UGGT2: variants seen among roughly 807,000 people sequenced by gnomAD.
UGGT2 encodes the protein UDP-glucose:glycoprotein glucosyltransferase 2.
A neutral mutation model predicts 192.1 loss-of-function variants in UGGT2; 180 were observed. The observed-to-expected ratio is 0.94, with a 90% confidence interval of 0.83 to 1.06. The LOEUF (loss-of-function observed/expected upper bound fraction) is 1.06. Ranked by LOEUF, UGGT2 falls within the 50% of genes least tolerant of loss-of-function variation. UGGT2 has a pLI of 0.00. For missense variants in UGGT2, 1,849 were observed against 1,795.7 expected (o/e 1.03, Z -0.54); for synonymous variants, 580 against 591.0 (o/e 0.98, Z 0.27).
At chr13:95,935,820 GTTCA>G (rs2049443312) in intron 17 of UGGT2, among the ~76,000 whole-genome samples, 1 of 152,070 alleles carries the variant, frequency 6.6e-6, no homozygotes, top group African/African-American at 2.4e-5. Flanking sequence ...TGAACACTTT[GTTCA>G]TTTTTAAAAA....
chr13:95,833,373 C>A (rs1886935549), intron 37 of UGGT2, among the ~76,000 whole-genome samples: 3 of 152,080 alleles, frequency 2.0e-5, no homozygotes, highest in African/African-American at 7.2e-5. Flanking sequence ...TGTAGAAGAA[C>A]ATAGCAGACT....
At chr13:95,990,102 T>A (rs370602775) in intron 7 of UGGT2, 29 bp from the exon 8 acceptor site, 1 of 1,454,000 alleles carries the variant, frequency 6.9e-7, no homozygotes, top group African/African-American at 1.4e-5. Context: ...TGATGTTAAG[T>A]AGCATCACCT....
chr13:95,988,404 A>C (rs2051356522), intron 8 of UGGT2, among the ~76,000 whole-genome samples: 1 of 152,066 alleles, frequency 6.6e-6, no homozygotes, highest in African/African-American at 2.4e-5. Flanking sequence ...TGAAACTACT[A>C]CCTCAGTTTA....
chr13:95,813,068 T>A (rs1305154197), intron 38 of UGGT2, among the ~76,000 whole-genome samples: 1 of 152,124 alleles, frequency 6.6e-6, no homozygotes, highest in East Asian at 1.9e-4. Flanking sequence ...GTCTCAGGTA[T>A]TTTTTTATGG....
At chr13:95,838,116 T>C (rs1213008569) in intron 36 of UGGT2, among the ~76,000 whole-genome samples, 1 of 152,128 alleles carries the variant, frequency 6.6e-6, no homozygotes, top group African/African-American at 2.4e-5. Flanking sequence ...TGTTACAAGA[T>C]AAAAAGTTAA....
intron 22 of UGGT2, among the ~76,000 whole-genome samples, chr13:95,900,107 T>C (rs1229344921): frequency 6.6e-6 from 1 of 152,134 alleles, no homozygotes; most frequent in Non-Finnish European, 1.5e-5. Flanking sequence ...AGTATATAGA[T>C]ATCATCCACT....
At chr13:96,045,628 T>C (rs942563178) in intron 1 of UGGT2, among the ~76,000 whole-genome samples, 2 of 152,182 alleles carry the variant, frequency 1.3e-5, no homozygotes, top group Non-Finnish European at 2.9e-5. Flanking sequence ...GATAAAAGAA[T>C]TCAGCAAAGT....
chr13:95,988,905 T>A (rs1194680823), intron 8 of UGGT2, among the ~76,000 whole-genome samples: 1 of 152,170 alleles, frequency 6.6e-6, no homozygotes, highest in African/African-American at 2.4e-5. Flanking sequence ...GAAAGGACTC[T>A]GTAAACTATA....
chr13:95,994,144 C>G lies in UGGT2; in HGVS notation c.830+1919G>C, dbSNP rs374598562. Among the ~76,000 whole-genome samples the G allele has an allele frequency of 6.6e-5, 10 of 152,134 alleles. No individual in the cohort carries two copies. The East Asian group carries it at 9.6e-4, about 15-fold the overall frequency. On this transcript the variant is annotated intron_variant, in intron 7 of 38. Coordinates refer to ENST00000376747, the MANE Select transcript of UGGT2 (RefSeq NM_020121.4). Reference sequence around the variant, plus strand: ...TGTAACTCATTAGATCAGTAAAGTTCTAGATTCTATAAAGTTTTTAGTTTT... The same window carrying G: ...TGTAACTCATTAGATCAGTAAAGTTGTAGATTCTATAAAGTTTTTAGTTTT...
At chr13:95,855,284 T>C (rs1889482247) in intron 34 of UGGT2, among the ~76,000 whole-genome samples, 1 of 152,076 alleles carries the variant, frequency 6.6e-6, no homozygotes, top group Non-Finnish European at 1.5e-5. Context: ...AGACCCTGTC[T>C]CTTAAAAGAA....
intron 35 of UGGT2, 62 bp downstream of exon 35, chr13:95,854,253 C>A: frequency 6.6e-7 from 1 of 1,508,314 alleles, no homozygotes; most frequent in Admixed American, 2.2e-5. Context: ...TTTAAGAAAA[C>A]TGAAAGTTGC....
intron 38 of UGGT2, among the ~76,000 whole-genome samples, chr13:95,828,792 AGAGG>A (rs1317824834): frequency 6.6e-6 from 1 of 152,200 alleles, no homozygotes; most frequent in African/African-American, 2.4e-5. Context: ...TAATAGAAAA[AGAGG>A]GAATCCTCCC....
In UGGT2 at chr13:95,856,059, GAAGAT is replaced by G. The variant is rs770988628; in HGVS notation, c.4008+94_4008+98del. 2.8e-4 allele frequency: 278 copies of G among 1,003,102 alleles called. 1 individual carries two copies. The highest frequency in any genetic ancestry group is 3.6e-4 in the Non-Finnish European group (249 of 698,328). 62.1% of individuals were successfully genotyped at this position (1,003,102 alleles called of 1,614,324 possible). ...ACAATCGTATCTTAAGCACCGTAAT[GAAGAT>G]AATAAACATGAGCAACATGAATTAA... On this transcript the variant is annotated intron_variant, in intron 34 of 38. Coordinates refer to ENST00000376747, the MANE Select transcript of UGGT2 (RefSeq NM_020121.4).
chr13:95,842,649 A>C (rs943147703), intron 36 of UGGT2, among the ~76,000 whole-genome samples: 35 of 152,162 alleles, frequency 2.3e-4, no homozygotes, highest in African/African-American at 8.4e-4. Context: ...ACTAGACTAT[A>C]ACAGACTGTG....
chr13:96,022,969 A>T, intron 4 of UGGT2, 71 bp downstream of exon 4: 1 of 1,096,450 alleles, frequency 9.1e-7, no homozygotes, highest in Non-Finnish European at 1.2e-6. Flanking sequence ...TTTTTTTATT[A>T]TAAGAAGTTT....
chr13:95,912,857 C>T (rs1427576287), intron 20 of UGGT2, among the ~76,000 whole-genome samples: 1 of 152,052 alleles, frequency 6.6e-6, no homozygotes, highest in African/African-American at 2.4e-5. Flanking sequence ...GCTACAGTAA[C>T]CAAAACAGCA....
chr13:95,954,864 A>G (rs2050167812), intron 12 of UGGT2, among the ~76,000 whole-genome samples: 1 of 152,216 alleles, frequency 6.6e-6, no homozygotes, highest in Non-Finnish European at 1.5e-5. Context: ...ATCTCTTCAA[A>G]TATTTTACAG....
At position 95,948,089 on chromosome 13, in the gene UGGT2, A is replaced by G. The variant is rs2049936560; in HGVS notation, c.1456-8T>C. Reference sequence around the variant, plus strand: ...CGGATCAATAAACAGAACCTAAAAGAAAGATAGTATATATCACTATTTCAA... The same window carrying G: ...CGGATCAATAAACAGAACCTAAAAGGAAGATAGTATATATCACTATTTCAA... On this transcript the variant is annotated splice_polypyrimidine_tract_variant and splice_region_variant and intron_variant, in intron 13 of 38. Transcript: ENST00000376747. 2 of 1,606,836 alleles carry G rather than the reference A, an allele frequency of 1.2e-6. No individual in the cohort carries two copies. The highest frequency in any genetic ancestry group is 1.7e-5 in the Admixed American group (1 of 59,822).
chr13:95,961,785 C>G (rs962888170), intron 12 of UGGT2, among the ~76,000 whole-genome samples: 1 of 152,154 alleles, frequency 6.6e-6, no homozygotes, highest in Non-Finnish European at 1.5e-5. Context: ...ACAAAATACA[C>G]ATTCTTCTTA....
Sources: gnomAD v4.1 joint callset for allele counts (sites outside exome capture counted in the v4.1 genomes callset) on GRCh38, gnomAD v4.1.1 for gene constraint, MANE v1.5 for transcripts, NCBI Gene and HGNC (gene_info 2026-07-23, HGNC 2026-07-21) for gene names.